Variants in CTTNBP2 observed in about 807,000 individuals in gnomAD.
CTTNBP2 encodes the protein cortactin binding protein 2.
In CTTNBP2, 108 loss-of-function variants were observed where a neutral mutation model predicts 156.9. The observed-to-expected ratio is 0.69, with a 90% confidence interval of 0.59 to 0.81. The LOEUF is 0.81. Among genes scored for constraint, CTTNBP2 ranks in the 30% least tolerant of loss-of-function variants. CTTNBP2 has a pLI of 0.00. For synonymous variants in CTTNBP2, 767 were observed against 751.8 expected (o/e 1.02, Z -0.33); for missense variants, 1,924 against 2,035.4 (o/e 0.95, Z 1.05).
At chr7:117,799,392 G>A (rs920216366) in intron 3 of CTTNBP2, among the ~76,000 whole-genome samples, 1 of 151,508 alleles carries the variant, frequency 6.6e-6, no homozygotes, top group Non-Finnish European at 1.5e-5. Flanking sequence ...TATATTAAAA[G>A]ATAAAAGAGA....
intron 22 of CTTNBP2, chr7:117,714,155 CTTTTG>C (rs1434212512): frequency 6.6e-6 from 1 of 152,190 alleles, no homozygotes; most frequent in African/African-American, 2.4e-5. Context: ...GTATGTTCTG[CTTTTG>C]TTTTGTAAAG....
At chr7:117,834,944 G>A (rs1178816272) in intron 2 of CTTNBP2, among the ~76,000 whole-genome samples, 1 of 152,194 alleles carries the variant, frequency 6.6e-6, no homozygotes, top group African/African-American at 2.4e-5. Flanking sequence ...ATTGCTTCAG[G>A]TTTCATTTGT....
At chr7:117,815,209 C>A (rs1023266412) in intron 2 of CTTNBP2, among the ~76,000 whole-genome samples, 4 of 152,056 alleles carry the variant, frequency 2.6e-5, no homozygotes, top group Non-Finnish European at 4.4e-5. Flanking sequence ...GCTTTTCGGT[C>A]TACAGTTTTC....
At chr7:117,747,191 G>A (rs1219496842) in intron 12 of CTTNBP2, among the ~76,000 whole-genome samples, 1 of 152,196 alleles carries the variant, frequency 6.6e-6, no homozygotes, top group African/African-American at 2.4e-5. Flanking sequence ...CCCAGACTTA[G>A]AGAAGTTTTG....
intron 7 of CTTNBP2, among the ~76,000 whole-genome samples, chr7:117,779,815 C>T (rs1422241919): frequency 1.3e-5 from 2 of 151,860 alleles, no homozygotes; most frequent in African/African-American, 2.4e-5. Context: ...GGCTGGAGTG[C>T]AACAGCGCCA....
At chr7:117,836,472 G>C (rs1801945616) in intron 2 of CTTNBP2, among the ~76,000 whole-genome samples, 1 of 152,198 alleles carries the variant, frequency 6.6e-6, no homozygotes, top group Admixed American at 6.5e-5. Flanking sequence ...GCTGAGGCAG[G>C]AGAATGGCAT....
Position 117,724,807 on chromosome 7 carries a change from G to T in CTTNBP2, c.4262-75C>A, listed in dbSNP as rs543585662. On this transcript the variant is annotated intron_variant, in intron 18 of 22. Transcript: ENST00000160373. ...GCAAAATACATTTCCGTTTCTCAAA[G>T]ATACGGACTGTTCAAAATAATGCAT... 3.4e-5 allele frequency: 51 copies of T among 1,506,556 alleles called. No individual in the cohort carries two copies. The South Asian group carries it at 6.0e-4, about 18-fold the overall frequency. 93.3% of individuals were successfully genotyped at this position (1,506,556 alleles called of 1,614,324 possible).
At chr7:117,871,489 C>A in intron 1 of CTTNBP2, 1 of 163,556 alleles carries the variant, frequency 6.1e-6, no homozygotes. Context: ...GCAGATTTTC[C>A]ATGGCTCTGC....
chr7:117,803,003 T>C (rs1214246547), intron 3 of CTTNBP2, among the ~76,000 whole-genome samples: 7 of 152,132 alleles, frequency 4.6e-5, no homozygotes, highest in African/African-American at 2.4e-5. Flanking sequence ...AGAAATACCA[T>C]CCAACCCAGC....
chr7:117,734,746 G>T (rs1795585375), intron 16 of CTTNBP2, among the ~76,000 whole-genome samples, 167 bp downstream of exon 16: 1 of 152,204 alleles, frequency 6.6e-6, no homozygotes, highest in African/African-American at 2.4e-5. Flanking sequence ...ATGTAGTGCA[G>T]AAATTGTTAT....
chr7:117,726,489 A>G (rs1361685619), intron 17 of CTTNBP2, among the ~76,000 whole-genome samples: 1 of 150,784 alleles, frequency 6.6e-6, no homozygotes, highest in Admixed American at 6.6e-5. Context: ...CTGTGGTCGG[A>G]AAAAAAAAAT....
At chr7:117,783,217 G>T (rs928481294) in intron 5 of CTTNBP2, among the ~76,000 whole-genome samples, 1 of 152,134 alleles carries the variant, frequency 6.6e-6, no homozygotes, top group Non-Finnish European at 1.5e-5. Context: ...CCATGCGTGT[G>T]TGCATTTTGG....
intron 7 of CTTNBP2, 84 bp from the exon 8 acceptor site, chr7:117,777,849 T>C: frequency 3.0e-6 from 4 of 1,333,326 alleles, no homozygotes; most frequent in South Asian, 1.4e-5. Flanking sequence ...CTTCTAAATG[T>C]TCTTGGGCAT....
At chr7:117,808,867 G>A (rs893760630) in intron 3 of CTTNBP2, among the ~76,000 whole-genome samples, 9 of 152,306 alleles carry the variant, frequency 5.9e-5, no homozygotes, top group African/African-American at 1.9e-4. Flanking sequence ...GCTTTCATCA[G>A]CTGATACGGT....
At chr7:117,772,246 C>G (rs1008660526) in intron 8 of CTTNBP2, among the ~76,000 whole-genome samples, 4 of 152,190 alleles carry the variant, frequency 2.6e-5, no homozygotes, top group African/African-American at 9.6e-5. Flanking sequence ...TGTGACCAGA[C>G]AGCAGATGAT....
At position 117,767,111 on chromosome 7, in the gene CTTNBP2, C is replaced by A; in HGVS notation, c.2844G>T (p.Arg948=). The change falls in exon 9 of 23, where the codon CGG becomes CGT. Residue 948 remains arginine (R), a synonymous_variant. Transcript: ENST00000160373. ...LEPERRDKCN[R]TVHDVATDDC... is the part of the protein sequence containing the mutation. The stretch of plus-strand genomic sequence containing the variant: ...CATCAGTGGCAACATCATGCACAGT[C>A]CGATTGCACTTGTCTCTCCTTTCTG... The A allele has an allele frequency of 6.2e-7, 1 of 1,613,058 alleles. No homozygotes were observed. Among genetic ancestry groups the A allele is most frequent in the Non-Finnish European group, 8.5e-7 (1 of 1,179,034 alleles).
intron 2 of CTTNBP2, among the ~76,000 whole-genome samples, chr7:117,854,779 A>ATTT (rs1803170576): frequency 2.0e-5 from 3 of 151,240 alleles, no homozygotes; most frequent in South Asian, 4.2e-4. Flanking sequence ...TTAATTAATT[A>ATTT]ATTAATTTAT....
rs1797104547 is a variant in CTTNBP2, at chr7:117,759,986, G to T, written c.3172+449C>A. Among the ~76,000 whole-genome samples the T allele has an allele frequency of 2.6e-5, 4 of 152,178 alleles. No individual in the cohort carries two copies. The South Asian group carries it at 8.3e-4, about 32-fold the overall frequency. ...CTGATTCATCCCATGTGGGAGCATT[G>T]AATATATCTTTATTAAAGTGCTTCT... On this transcript the variant is annotated intron_variant, in intron 10 of 22. Transcript: ENST00000160373.
Position 117,725,178 on chromosome 7 carries a change from G to A in CTTNBP2, c.4135C>T (p.Gln1379Ter). 6.2e-7 allele frequency: 1 copy of A among 1,614,020 alleles called. No homozygotes were observed. ...GCAGTTGTCTGCCCAAAGCCAGGTTGTCTTTTCACAGAGGCTCTTGACAAT... is the reference window on the plus strand; with the variant it reads ...GCAGTTGTCTGCCCAAAGCCAGGTTATCTTTTCACAGAGGCTCTTGACAAT... Reference protein sequence around the residue: ...AILSRASVKRQPGFGQTTAKR... With the variant: ...AILSRASVKR Residue 1379 changes from glutamine to a stop codon, truncating the protein, a stop_gained, in exon 18 of 23, where the codon CAA (glutamine) becomes TAA (stop). Transcript: ENST00000160373. LOFTEE classifies it high-confidence loss of function.
Sources: allele counts gnomAD v4.1 joint callset (sites outside exome capture counted in the v4.1 genomes callset), GRCh38; gene constraint gnomAD v4.1.1; transcripts MANE v1.5; gene names NCBI Gene and HGNC (gene_info 2026-07-23, HGNC 2026-07-21).